GDI2: variants seen among roughly 807,000 people sequenced by gnomAD.
The protein encoded by GDI2 is GDP dissociation inhibitor 2.
GDI2 carries 22 observed loss-of-function variants against 54.2 expected under a neutral mutation model. The ratio of observed to expected loss-of-function variants is 0.41; its 90% confidence interval spans 0.29 to 0.58. The LOEUF is 0.58. GDI2 is among the 20% of genes least tolerant of loss of function. GDI2 has a pLI of 0.35. For missense variants in GDI2, 422 were observed against 546.0 expected, an observed-to-expected ratio of 0.77 and a Z score of 2.26; for synonymous variants, 177 against 182.1, an observed-to-expected ratio of 0.97 and a Z score of 0.23.
chr10:5,785,912 T>C lies in GDI2; in HGVS notation c.527A>G (p.Asp176Gly). 1.2e-6 allele frequency: 2 copies of C among 1,612,150 alleles called. No homozygotes were observed. The highest frequency in any genetic ancestry group is 1.7e-5 in the Admixed American group (1 of 60,020). ...TTMRDVYKKF[D>G]LGQDVIDFTG... Reference sequence around the variant, plus strand: ...AAAATCTATAACGTCTTGACCCAAATCAAATTTCTTATACACATCTCGCAT... The same window carrying C: ...AAAATCTATAACGTCTTGACCCAAACCAAATTTCTTATACACATCTCGCAT... The change falls in exon 5 of 11, where the codon GAT becomes GGT. Residue 176 changes from aspartate (D) to glycine (G), a missense_variant. Coordinates refer to ENST00000380191, the MANE Select transcript of GDI2 (RefSeq NM_001494.4).
chr10:5,775,373 G>A (rs1484190632), intron 6 of GDI2, among the ~76,000 whole-genome samples: 4 of 152,204 alleles, frequency 2.6e-5, no homozygotes, highest in Admixed American at 2.6e-4. Context: ...AGAAACTCTT[G>A]AAAGGAACCA....
intron 3 of GDI2, among the ~76,000 whole-genome samples, chr10:5,795,400 C>A (rs1340889752): frequency 6.6e-6 from 1 of 152,116 alleles, no homozygotes; most frequent in African/African-American, 2.4e-5. Flanking sequence ...GGATTATAGG[C>A]ACGAGGCACC....
In GDI2 at chr10:5,795,073, CATTT is replaced by C. The variant is rs1215431459; in HGVS notation, c.254-58_254-55del. The C allele has an allele frequency of 3.1e-4, 358 of 1,153,252 alleles. 2 individuals carry two copies. Among genetic ancestry groups the C allele is most frequent in the Middle Eastern group, 3.9e-4 (2 of 5,070 alleles). The allele number at this position is 1,153,252 out of a possible 1,614,324, so 71.4% of individuals were successfully genotyped here. ...ACTTAAGTCTATAAATTATAAAGAA[CATTT>C]ACTAATACTAACAGCTTCTAAAATT... On this transcript the variant is annotated intron_variant, in intron 3 of 10. Coordinates refer to ENST00000380191, the MANE Select transcript of GDI2 (RefSeq NM_001494.4).
At position 5,766,396 on chromosome 10, in the gene GDI2, C is replaced by G; in HGVS notation, c.1136+98G>C. Reference sequence around the variant, plus strand: ...GTACAGATGAATCCCACAGAGCAGCCAGCAGCTACCTGCCTTGCCCTCACA... The same window carrying G: ...GTACAGATGAATCCCACAGAGCAGCGAGCAGCTACCTGCCTTGCCCTCACA... On this transcript the variant is annotated intron_variant, in intron 9 of 10. Transcript: ENST00000380191. The surrounding 1 kb of genome is among the most constrained non-coding windows in gnomAD (Gnocchi z 5.8). 6.6e-7 allele frequency: 1 copy of G among 1,504,884 alleles called. No individual in the cohort carries two copies. Among genetic ancestry groups the G allele is most frequent in the Non-Finnish European group, 9.3e-7 (1 of 1,080,862 alleles). The allele number at this position is 1,504,884 out of a possible 1,614,324, so 93.2% of individuals were successfully genotyped here.
intron 3 of GDI2, among the ~76,000 whole-genome samples, chr10:5,795,839 T>C (rs969830225): frequency 6.6e-6 from 1 of 152,304 alleles, no homozygotes; most frequent in Non-Finnish European, 1.5e-5. Context: ...AGAGGATCAC[T>C]TGAACCTAGA....
At chr10:5,784,265 T>A (rs1840824535) in intron 6 of GDI2, among the ~76,000 whole-genome samples, 1 of 152,236 alleles carries the variant, frequency 6.6e-6, no homozygotes, top group African/African-American at 2.4e-5. Flanking sequence ...GTGTGTCCCT[T>A]GATTTTCAGA....
At chr10:5,810,078 CAA>C (rs1230435141) in intron 1 of GDI2, among the ~76,000 whole-genome samples, 1 of 152,082 alleles carries the variant, frequency 6.6e-6, no homozygotes, top group Non-Finnish European at 1.5e-5. Context: ...TAAGCAAATC[CAA>C]GAGGCAATCT....
chr10:5,792,959 C>CA (rs34475268), intron 4 of GDI2, among the ~76,000 whole-genome samples: 9,143 of 91,926 alleles, frequency 0.099, 415 homozygotes, highest in Admixed American at 0.19. Flanking sequence ...GACCTTTGTC[C>CA]AAAAAAAAAA....
chr10:5,811,669 A>T (rs1841481627), intron 1 of GDI2, among the ~76,000 whole-genome samples: 1 of 152,078 alleles, frequency 6.6e-6, no homozygotes. Context: ...AAAAAAAAAA[A>T]AAAAAAGCAC....
At chr10:5,786,237 C>T (rs1267663496) in intron 4 of GDI2, among the ~76,000 whole-genome samples, 187 bp from the exon 5 acceptor site, 1 of 130,270 alleles carries the variant, frequency 7.7e-6, no homozygotes, top group Admixed American at 9.6e-5. Flanking sequence ...ATGACGCAAT[C>T]TCAGCTCACT....
intron 4 of GDI2, among the ~76,000 whole-genome samples, chr10:5,788,687 T>C (rs549742431): frequency 3.9e-5 from 6 of 152,306 alleles, no homozygotes; most frequent in South Asian, 2.1e-4. Context: ...ATGCAGCCCA[T>C]AGGCCACAGA....
At position 5,811,383 on chromosome 10, in the gene GDI2, T is replaced by C. The variant is rs78269991; in HGVS notation, c.45+1831A>G. On this transcript the variant is annotated intron_variant, in intron 1 of 10. Transcript: ENST00000380191. Reference sequence around the variant, plus strand: ...CGAATGAAAATTTAAACAAAGCTCATTATCTTAACTTGTTATATAAAAACA... The same window carrying C: ...CGAATGAAAATTTAAACAAAGCTCACTATCTTAACTTGTTATATAAAAACA... Among the ~76,000 whole-genome samples, 852 of 152,298 alleles carry C rather than the reference T, an allele frequency of 5.6e-3. 10 individuals carry two copies. Among genetic ancestry groups the C allele is most frequent in the African/African-American group, 0.02 (817 of 41,556 alleles).
chr10:5,787,196 A>G (rs1447809271), intron 4 of GDI2, among the ~76,000 whole-genome samples: 1 of 152,160 alleles, frequency 6.6e-6, no homozygotes, highest in African/African-American at 2.4e-5. Context: ...CCAGCCAACA[A>G]AACTGAAAAT....
chr10:5,803,708 G>A (rs1564399195), intron 1 of GDI2, among the ~76,000 whole-genome samples: 2 of 151,982 alleles, frequency 1.3e-5, no homozygotes, highest in African/African-American at 4.8e-5. Context: ...TCAGGAAAAA[G>A]ATAAAGCAAG....
intron 4 of GDI2, among the ~76,000 whole-genome samples, chr10:5,793,690 C>T (rs976197931): frequency 2.0e-5 from 3 of 152,172 alleles, no homozygotes; most frequent in Non-Finnish European, 4.4e-5. Flanking sequence ...GAGCCCTCAC[C>T]TACCCTTAGT....
intron 6 of GDI2, among the ~76,000 whole-genome samples, chr10:5,778,668 A>G (rs933107089): frequency 1.1e-4 from 17 of 152,262 alleles, no homozygotes; most frequent in African/African-American, 4.1e-4. Context: ...ATAATGTACC[A>G]TTTAAAAATA....
chr10:5,790,715 T>C lies in GDI2; in HGVS notation c.388+4170A>G, dbSNP rs149876087. ...TACTTAGCTATTTATGTTATCCGTATGGCCTCCATTCAACAACAGGCTATT... is the reference window on the plus strand; with the variant it reads ...TACTTAGCTATTTATGTTATCCGTACGGCCTCCATTCAACAACAGGCTATT... On this transcript the variant is annotated intron_variant, in intron 4 of 10. Transcript: ENST00000380191. 6.6e-4 allele frequency among the ~76,000 whole-genome samples: 100 copies of C among 152,230 alleles called. 1 individual carries two copies. The East Asian group carries it at 0.017, about 26-fold the overall frequency.
chr10:5,779,493 G>A (rs1259651755), intron 6 of GDI2, among the ~76,000 whole-genome samples: 8 of 148,380 alleles, frequency 5.4e-5, no homozygotes, highest in African/African-American at 1.2e-4. Flanking sequence ...GGGTGACTCC[G>A]TCTCGAAAAA....
intron 4 of GDI2, 114 bp from the exon 5 acceptor site, chr10:5,786,164 A>ATT (rs1840871267): frequency 1.8e-5 from 8 of 450,432 alleles, no homozygotes; most frequent in South Asian, 6.2e-5. Context: ...TGCAGGATGC[A>ATT]ATTTTTTTTT....
Sources: allele counts gnomAD v4.1 joint callset (sites outside exome capture counted in the v4.1 genomes callset), GRCh38; gene constraint gnomAD v4.1.1; non-coding constraint Gnocchi (gnomAD v3.1); transcripts MANE v1.5; gene names NCBI Gene and HGNC (gene_info 2026-07-23, HGNC 2026-07-21).